LPXN: variants seen among roughly 807,000 people sequenced by gnomAD.
LPXN encodes the protein leupaxin.
A neutral mutation model predicts 45.6 loss-of-function variants in LPXN; 28 were observed. The observed-to-expected ratio is 0.61, with a 90% confidence interval of 0.45 to 0.84. The LOEUF (loss-of-function observed/expected upper bound fraction) is 0.84, where lower values mean the gene tolerates loss of function less well. Ranked by LOEUF, LPXN falls within the 40% of genes least tolerant of loss-of-function variation. The pLI, the probability that LPXN is intolerant of heterozygous loss-of-function variation, is 0.00. For missense variants in LPXN, 459 were observed against 475.0 expected (o/e 0.97, Z 0.31); for synonymous variants, 166 against 169.9 (o/e 0.98, Z 0.18).
chr11:58,567,028 ATATATT>A (rs1291689125), intron 2 of LPXN, among the ~76,000 whole-genome samples: 4 of 151,934 alleles, frequency 2.6e-5, no homozygotes, highest in Non-Finnish European at 5.9e-5. Flanking sequence ...GTGTGTATAT[ATATATT>A]TATAATTTAT....
intron 4 of LPXN, among the ~76,000 whole-genome samples, chr11:58,552,838 A>G (rs1465273519): frequency 6.6e-6 from 1 of 151,660 alleles, no homozygotes; most frequent in Admixed American, 6.6e-5. Flanking sequence ...AAAATACAAT[A>G]TAACTACATC....
At chr11:58,549,950 G>C (rs778548300) in intron 6 of LPXN, 23 bp downstream of exon 6, 4 of 1,613,890 alleles carry the variant, frequency 2.5e-6, no homozygotes, top group Non-Finnish European at 3.4e-6. Flanking sequence ...CTGAAAGCTG[G>C]AGAGGAGCGG....
intron 3 of LPXN, 128 bp downstream of exon 3, chr11:58,564,027 G>C: frequency 4.8e-6 from 3 of 622,974 alleles, no homozygotes; most frequent in Non-Finnish European, 8.5e-6. Flanking sequence ...AAAGACTATG[G>C]AAAGAGGAGG....
chr11:58,549,540 A>G (rs1853975667), intron 7 of LPXN, among the ~76,000 whole-genome samples: 1 of 152,238 alleles, frequency 6.6e-6, no homozygotes, highest in African/African-American at 2.4e-5. Flanking sequence ...GGCTTTTTCA[A>G]TATTACCCTT....
At chr11:58,567,841 G>C (rs550788496) in intron 2 of LPXN, among the ~76,000 whole-genome samples, 8 of 152,108 alleles carry the variant, frequency 5.3e-5, no homozygotes, top group East Asian at 3.9e-4. Flanking sequence ...CTGCTGAAAG[G>C]GTTTATTGTA....
At chr11:58,555,099 A>G (rs932328346) in intron 3 of LPXN, among the ~76,000 whole-genome samples, 159 bp from the exon 4 acceptor site, 2 of 152,236 alleles carry the variant, frequency 1.3e-5, no homozygotes, top group Non-Finnish European at 2.9e-5. Context: ...AATATGTACT[A>G]GACCAAAAAT....
At chr11:58,538,420 C>T (rs942701811) in intron 7 of LPXN, among the ~76,000 whole-genome samples, 1 of 152,014 alleles carries the variant, frequency 6.6e-6, no homozygotes, top group Non-Finnish European at 1.5e-5. Context: ...TTCTCCACAT[C>T]CTCTCCAGCA....
At chr11:58,575,659 C>T (rs1001299058) in intron 1 of LPXN, 101 bp downstream of exon 1, 62 of 1,293,918 alleles carry the variant, frequency 4.8e-5, no homozygotes, top group Non-Finnish European at 6.5e-5. Context: ...TAAAATCTTC[C>T]ATTACTACCC....
Position 58,550,038 on chromosome 11 carries a change from A to G in LPXN, c.595T>C (p.Cys199Arg), listed in dbSNP as rs778748632. Reference protein sequence around the residue: ...PFFERSGLAYCPNDYHQLFSP... With the variant: ...PFFERSGLAYRPNDYHQLFSP... ...AAAAGTTGGTGGTAGTCGTTGGGGC[A>G]GTAGGCCAAGCCACTCCGCTCAAAG... is the stretch of plus-strand genomic sequence containing the variant. The change falls in exon 6 of 9, where the codon TGC becomes CGC. Residue 199 changes from cysteine to arginine, a missense_variant. Coordinates refer to ENST00000395074, the MANE Select transcript of LPXN (RefSeq NM_004811.3). 2 of 1,614,246 alleles carry G rather than the reference A, an allele frequency of 1.2e-6. No homozygotes were observed. Among genetic ancestry groups the G allele is most frequent in the Non-Finnish European group, 1.7e-6 (2 of 1,180,052 alleles).
At position 58,527,230 on chromosome 11, in the gene LPXN, A is replaced by G; in HGVS notation, c.*224T>C. 1 of 507,350 alleles carries G rather than the reference A, an allele frequency of 2.0e-6. No individual in the cohort carries two copies. The highest frequency in any genetic ancestry group is 3.5e-6 in the Non-Finnish European group (1 of 282,748). The allele number at this position is 507,350 out of a possible 1,614,324, so 31.4% of individuals were successfully genotyped here. ...CTAACTCCAAGTGCTTGATTGGAGA[A>G]GAGAGGGAGAAAGAGAATTTATAGA... On this transcript the variant is annotated 3_prime_UTR_variant, in exon 9 of 9. Coordinates refer to ENST00000395074, the MANE Select transcript of LPXN (RefSeq NM_004811.3).
In LPXN at chr11:58,550,129, C is replaced by T. The variant is rs775572310; in HGVS notation, c.504G>A (p.Gly168=). The T allele has an allele frequency of 1.5e-5, 25 of 1,613,732 alleles. No individual in the cohort carries two copies. Among genetic ancestry groups the T allele is most frequent in the East Asian group, 2.2e-5 (1 of 44,884 alleles). The change falls in exon 6 of 9, where the codon GGG becomes GGA. Residue 168 remains glycine, a synonymous_variant. Transcript: ENST00000395074. ...CAAAATGCTCAGGATGCCATGATTGCCCTAGAGCATGGATCACCTGTGGAG... is the reference window on the plus strand; with the variant it reads ...CAAAATGCTCAGGATGCCATGATTGTCCTAGAGCATGGATCACCTGTGGAG... ...PIAGKVIHAL[G]QSWHPEHFVC... is the part of the protein sequence containing the mutation.
At chr11:58,566,796 A>C (rs1276861806) in intron 2 of LPXN, among the ~76,000 whole-genome samples, 3 of 152,206 alleles carry the variant, frequency 2.0e-5, no homozygotes, top group African/African-American at 7.2e-5. Context: ...AAAAATTTCC[A>C]ACTGGTCTTG....
intron 3 of LPXN, among the ~76,000 whole-genome samples, chr11:58,557,586 T>C (rs1326631307): frequency 1.3e-5 from 2 of 152,064 alleles, no homozygotes; most frequent in Non-Finnish European, 2.9e-5. Context: ...TTAGAGAATA[T>C]GAAGTAGCAG....
At chr11:58,575,669 C>G (rs1028302519) in intron 1 of LPXN, 91 bp downstream of exon 1, 64 of 1,400,636 alleles carry the variant, frequency 4.6e-5, no homozygotes, top group Non-Finnish European at 6.3e-5. Context: ...CATTACTACC[C>G]TCAGTCTAGC....
At chr11:58,568,700 T>C (rs1854593943) in intron 2 of LPXN, among the ~76,000 whole-genome samples, 1 of 152,122 alleles carries the variant, frequency 6.6e-6, no homozygotes, top group Non-Finnish European at 1.5e-5. Context: ...TAAGCCATAG[T>C]GGCTTACTTA....
chr11:58,558,500 G>GCATGC (rs1854276391), intron 3 of LPXN, among the ~76,000 whole-genome samples: 1 of 128,444 alleles, frequency 7.8e-6, no homozygotes, highest in African/African-American at 3.1e-5. Context: ...TCACACTACT[G>GCATGC]CATGCCAGCC....
intron 7 of LPXN, among the ~76,000 whole-genome samples, chr11:58,537,354 C>T (rs1455356953): frequency 1.4e-4 from 22 of 152,154 alleles, no homozygotes; most frequent in Admixed American, 1.4e-3. Flanking sequence ...AGTTCATGTC[C>T]TTTGCAGGGA....
rs1854665215 is a variant in LPXN at position 58,570,650 on chromosome 11, G to A, written c.77C>T (p.Ala26Val). Reference sequence around the variant, plus strand: ...GGAATGCTGATCCAGGGGAAGAGGAGCTGGGTTGGAATATTCATCACTGTC... The same window carrying A: ...GGAATGCTGATCCAGGGGAAGAGGAACTGGGTTGGAATATTCATCACTGTC... ...LQDSDEYSNP[A>V]PLPLDQHSRK... Residue 26 changes from alanine (A) to valine (V), a missense_variant, in exon 2 of 9, where the codon GCT (alanine) becomes GTT (valine). Ala to Val is a moderately conservative substitution (Grantham distance 64, BLOSUM62 0). Coordinates refer to ENST00000395074, the MANE Select transcript of LPXN (RefSeq NM_004811.3). 6.2e-7 allele frequency: 1 copy of A among 1,613,832 alleles called. No homozygotes were observed. The highest frequency in any genetic ancestry group is 1.3e-5 in the African/African-American group (1 of 74,936).
chr11:58,562,805 C>T (rs989871636), intron 3 of LPXN, among the ~76,000 whole-genome samples: 3 of 17,270 alleles, frequency 1.7e-4, no homozygotes, highest in South Asian at 7.4e-3. Context: ...GGAAATAGAG[C>T]GACTTGTGGG....
Sources: gnomAD v4.1 joint callset for allele counts (sites outside exome capture counted in the v4.1 genomes callset) on GRCh38, gnomAD v4.1.1 for gene constraint, MANE v1.5 for transcripts, NCBI Gene and HGNC (gene_info 2026-07-23, HGNC 2026-07-21) for gene names.